The following RYR2 variants were observed in gnomAD, a reference collection of about 807,000 sequenced individuals.
The protein encoded by RYR2 is cardiac muscle ryanodine receptor-calcium release channel.
In RYR2, 227 loss-of-function variants were observed where a neutral mutation model predicts 601.1. That is an observed-to-expected ratio of 0.38 (90% CI 0.34 to 0.42). The LOEUF (loss-of-function observed/expected upper bound fraction) is 0.42, where lower values mean the gene tolerates loss of function less well. RYR2 is among the 10% of genes least tolerant of loss of function. The pLI, the probability that RYR2 is intolerant of heterozygous loss-of-function variation, is 1.00. For missense variants in RYR2, 4,646 were observed against 6,156.5 expected, an observed-to-expected ratio of 0.75 and a Z score of 8.21; for synonymous variants, 2,223 against 2,175.1, an observed-to-expected ratio of 1.02 and a Z score of -0.61.
chr1:237,696,889 A>G (rs1235765525), intron 63 of RYR2, among the ~76,000 whole-genome samples: 1 of 152,168 alleles, frequency 6.6e-6, no homozygotes, highest in African/African-American at 2.4e-5. Flanking sequence ...CCGTTCCTGC[A>G]GTAGGTCCCT....
chr1:237,795,873 T>TATGTATATGTATATATATATATATAC (rs140571706), intron 96 of RYR2, among the ~76,000 whole-genome samples: 177 of 140,868 alleles, frequency 1.3e-3, no homozygotes, highest in Non-Finnish European at 1.9e-3. Context: ...TATATATATA[T>TATGTATATGTATATATATATATATAC]ACACATATAT....
rs547308727 is a variant in RYR2 at position 237,490,569 on chromosome 1, C to T, written c.1709-1237C>T. Among the ~76,000 whole-genome samples the T allele has an allele frequency of 1.4e-4, 22 of 152,052 alleles. 1 individual carries two copies. Among genetic ancestry groups the T allele is most frequent in the African/African-American group, 5.3e-4 (22 of 41,508 alleles). ...ATACTTATATAAAGATCTGCTTTAA[C>T]TCGTCAGCCTCTTGTAGCATTAGTT... On this transcript the variant is annotated intron_variant, in intron 17 of 104. Coordinates refer to ENST00000366574, the MANE Select transcript of RYR2 (RefSeq NM_001035.3).
intron 80 of RYR2, chr1:237,755,229 C>A: frequency 4.1e-6 from 2 of 483,350 alleles, no homozygotes; most frequent in Non-Finnish European, 6.5e-6. Flanking sequence ...TTTTCATATT[C>A]TGTAACTAGC....
At chr1:237,511,814 T>C in intron 24 of RYR2, 23 bp downstream of exon 24, 1 of 1,203,340 alleles carries the variant, frequency 8.3e-7, no homozygotes, top group Non-Finnish European at 1.1e-6. Flanking sequence ...ACTTTTTCTA[T>C]TTTCCAACCT....
chr1:237,265,937 T>C (rs1434729255), intron 1 of RYR2, among the ~76,000 whole-genome samples: 1 of 152,168 alleles, frequency 6.6e-6, no homozygotes, highest in African/African-American at 2.4e-5. Context: ...GCTCTTGAGG[T>C]TTCTTTTAAG....
chr1:237,310,673 C>G (rs1232754269), intron 2 of RYR2, among the ~76,000 whole-genome samples: 3 of 152,176 alleles, frequency 2.0e-5, no homozygotes, highest in Non-Finnish European at 4.4e-5. Flanking sequence ...TCATTTTCTT[C>G]TGGGTGTGTC....
rs560769280 is a variant in RYR2 at position 237,490,397 on chromosome 1, AAAAC to A, written c.1709-1401_1709-1398del. Among the ~76,000 whole-genome samples the A allele has an allele frequency of 2.8e-3, 433 of 152,310 alleles. 1 individual carries two copies. Among genetic ancestry groups the A allele is most frequent in the African/African-American group, 9.8e-3 (408 of 41,558 alleles). On this transcript the variant is annotated intron_variant, in intron 17 of 104. Coordinates refer to ENST00000366574, the MANE Select transcript of RYR2 (RefSeq NM_001035.3). ...CTCTATAGCAATCAATAATGGGGAGAAAACAAACAAAAACATCGGGATAGCATGA... is the reference window on the plus strand; with the variant it reads ...CTCTATAGCAATCAATAATGGGGAGAAAACAAAAACATCGGGATAGCATGA...
At chr1:237,464,759 T>C (rs1373364572) in intron 16 of RYR2, among the ~76,000 whole-genome samples, 1 of 152,230 alleles carries the variant, frequency 6.6e-6, no homozygotes, top group Non-Finnish European at 1.5e-5. Flanking sequence ...TGTTCTTTTA[T>C]AGCAGATGTT....
At chr1:237,547,520 A>T (rs1179266625) in intron 25 of RYR2, among the ~76,000 whole-genome samples, 1 of 152,214 alleles carries the variant, frequency 6.6e-6, no homozygotes, top group Non-Finnish European at 1.5e-5. Flanking sequence ...AAAATGAATC[A>T]GAAACAGATC....
At chr1:237,137,673 A>G (rs1672941477) in intron 1 of RYR2, among the ~76,000 whole-genome samples, 1 of 152,230 alleles carries the variant, frequency 6.6e-6, no homozygotes, top group African/African-American at 2.4e-5. Flanking sequence ...TTGAATAAGT[A>G]GGAAGGATCA....
intron 4 of RYR2, among the ~76,000 whole-genome samples, chr1:237,361,354 T>G (rs992036464): frequency 1.3e-5 from 2 of 152,178 alleles, no homozygotes; most frequent in African/African-American, 4.8e-5. Context: ...TTACCTGATA[T>G]TTCCTCACAA....
intron 27 of RYR2, among the ~76,000 whole-genome samples, chr1:237,551,304 C>T (rs919463172): frequency 1.2e-4 from 18 of 151,752 alleles, no homozygotes; most frequent in Non-Finnish European, 2.2e-4. Context: ...CTGAGGCAGG[C>T]GGATCACAAG....
chr1:237,761,529 T>C (rs544457132), intron 84 of RYR2, among the ~76,000 whole-genome samples: 1 of 152,276 alleles, frequency 6.6e-6, no homozygotes, highest in Non-Finnish European at 1.5e-5. Flanking sequence ...AAGTCTAGAT[T>C]GATGAAAGAA....
chr1:237,442,190 A>G (rs751825848), intron 13 of RYR2, among the ~76,000 whole-genome samples: 2 of 152,178 alleles, frequency 1.3e-5, no homozygotes, highest in Non-Finnish European at 2.9e-5. Flanking sequence ...CAAGGTGAAC[A>G]CCTAATGTTG....
At chr1:237,814,979 T>C (rs1487722884) in intron 100 of RYR2, among the ~76,000 whole-genome samples, 1 of 142,850 alleles carries the variant, frequency 7.0e-6, no homozygotes, top group Admixed American at 7.0e-5. Context: ...TTTTTTTTTT[T>C]TTTTTGCCAA....
At position 237,706,354 on chromosome 1, in the gene RYR2, G is replaced by A. The variant is rs1211269164; in HGVS notation, c.9581-595G>A. 2.0e-5 allele frequency among the ~76,000 whole-genome samples: 3 copies of A among 152,146 alleles called. No homozygotes were observed. In the East Asian group the frequency reaches 5.8e-4, roughly 29 times the overall value. On this transcript the variant is annotated intron_variant, in intron 67 of 104. Transcript: ENST00000366574. ...TGGGCACATTGATGTTAAGAAAGAA[G>A]GGAGTTTTAGGAAAAGGGAATTTGG...
At chr1:237,451,761 A>G (rs1053363426) in intron 14 of RYR2, among the ~76,000 whole-genome samples, 2 of 152,074 alleles carry the variant, frequency 1.3e-5, no homozygotes, top group Non-Finnish European at 2.9e-5. Flanking sequence ...TATTTTTACA[A>G]TATTTTCACC....
At position 237,708,852 on chromosome 1, in the gene RYR2, A is replaced by G. The variant is rs753049216; in HGVS notation, c.9902-6A>G. 6.2e-7 allele frequency: 1 copy of G among 1,606,650 alleles called. No homozygotes were observed. Among genetic ancestry groups the G allele is most frequent in the Non-Finnish European group, 8.5e-7 (1 of 1,174,680 alleles). On this transcript the variant is annotated splice_region_variant and splice_polypyrimidine_tract_variant and intron_variant, in intron 68 of 104. Coordinates refer to ENST00000366574, the MANE Select transcript of RYR2 (RefSeq NM_001035.3). ...GAGCAGAATACTAATGTCTGTCTTT[A>G]AACAGTGTTTTCCCAGCCTATAATA...
chr1:237,450,139 GT>G (rs1657908618), intron 14 of RYR2, among the ~76,000 whole-genome samples: 1 of 152,100 alleles, frequency 6.6e-6, no homozygotes, highest in African/African-American at 2.4e-5. Context: ...GCCAGTTGCT[GT>G]TCCCTCTAAT....
Sources: allele counts gnomAD v4.1 joint callset (sites outside exome capture counted in the v4.1 genomes callset), GRCh38; gene constraint gnomAD v4.1.1; transcripts MANE v1.5; gene names NCBI Gene and HGNC (gene_info 2026-07-23, HGNC 2026-07-21).